SDCCAG8: variants seen among roughly 807,000 people sequenced by gnomAD.
The protein encoded by SDCCAG8 is serologically defined colon cancer antigen 8.
Under a neutral mutation model 101.8 loss-of-function variants are expected in SDCCAG8, and 74 were observed. The observed-to-expected ratio is 0.73, with a 90% CI of 0.60 to 0.88. The LOEUF is 0.88. SDCCAG8 is among the 40% of genes least tolerant of loss of function. The pLI, the probability that SDCCAG8 is intolerant of heterozygous loss-of-function variation, is 0.00. For synonymous variants in SDCCAG8, 281 were observed against 292.9 expected, an observed-to-expected ratio of 0.96 and a Z score of 0.41; for missense variants, 787 against 822.6, an observed-to-expected ratio of 0.96 and a Z score of 0.53.
At chr1:243,477,290 A>G (rs1406409202) in intron 16 of SDCCAG8, among the ~76,000 whole-genome samples, 3 of 152,158 alleles carry the variant, frequency 2.0e-5, no homozygotes, top group Non-Finnish European at 4.4e-5. Context: ...TACTCTGCAA[A>G]GATTCTGATT....
chr1:243,497,340 G>GT (rs1668209407), intron 17 of SDCCAG8, among the ~76,000 whole-genome samples: 1 of 141,238 alleles, frequency 7.1e-6, no homozygotes, highest in Admixed American at 7.1e-5. Context: ...GCACGGGTGG[G>GT]GGGGGGGGCG....
chr1:243,433,312 A>G (rs1315048745), intron 16 of SDCCAG8, among the ~76,000 whole-genome samples: 1 of 150,068 alleles, frequency 6.7e-6, no homozygotes, highest in Non-Finnish European at 1.5e-5. Flanking sequence ...AGATCGCGCC[A>G]CTGCACTCCA....
chr1:243,337,393 T>C (rs2075082505), intron 10 of SDCCAG8, among the ~76,000 whole-genome samples: 1 of 152,182 alleles, frequency 6.6e-6, no homozygotes, highest in Non-Finnish European at 1.5e-5. Flanking sequence ...GTTGATTTTG[T>C]CCCTAGTAAG....
intron 9 of SDCCAG8, among the ~76,000 whole-genome samples, chr1:243,324,148 T>C (rs1168519329): frequency 6.6e-6 from 1 of 152,170 alleles, no homozygotes; most frequent in African/African-American, 2.4e-5. Context: ...TCTTTTTTTA[T>C]GGATGATACA....
At chr1:243,296,538 T>TTTTTTTTTTTTA in intron 6 of SDCCAG8, among the ~76,000 whole-genome samples, 1 of 116,256 alleles carries the variant, frequency 8.6e-6, no homozygotes, top group African/African-American at 3.2e-5. Context: ...AACTGCTCTT[T>TTTTTTTTTTTTA]TTTTTTTTTT....
At chr1:243,376,484 G>GAAA (rs1471134312) in intron 12 of SDCCAG8, among the ~76,000 whole-genome samples, 3 of 152,114 alleles carry the variant, frequency 2.0e-5, no homozygotes, top group Non-Finnish European at 4.4e-5. Flanking sequence ...ATTACATGAG[G>GAAA]AAAAGAAAGC....
chr1:243,411,336 C>T (rs765333556), intron 13 of SDCCAG8, among the ~76,000 whole-genome samples: 15 of 151,824 alleles, frequency 9.9e-5, no homozygotes, highest in Non-Finnish European at 1.9e-4. Flanking sequence ...AGGCTGGTCT[C>T]GAACTCCTGG....
At chr1:243,485,105 G>A (rs1177213765) in intron 16 of SDCCAG8, among the ~76,000 whole-genome samples, 1 of 151,944 alleles carries the variant, frequency 6.6e-6, no homozygotes, top group African/African-American at 2.4e-5. Flanking sequence ...TGGTTCGTTT[G>A]GTGAATTAAC....
chr1:243,355,661 G>A (rs1434004592), intron 12 of SDCCAG8, among the ~76,000 whole-genome samples: 10 of 148,926 alleles, frequency 6.7e-5, no homozygotes, highest in Non-Finnish European at 1.5e-4. Flanking sequence ...GCTGGAGTGC[G>A]GTGGCACAAT....
At position 243,363,311 on chromosome 1, in the gene SDCCAG8, C is replaced by T. The variant is rs183162493; in HGVS notation, c.1474-15410C>T. 6.3e-3 allele frequency among the ~76,000 whole-genome samples: 965 copies of T among 152,274 alleles called. 8 individuals carry two copies. The highest frequency in any genetic ancestry group is 9.0e-3 in the Non-Finnish European group (615 of 68,030). ...GTCAAATAAAAAAATTATTTTTATG[C>T]CTACTGTGTGTAAGTAGCTTGCCTA... On this transcript the variant is annotated intron_variant, in intron 12 of 17. Transcript: ENST00000366541.
intron 2 of SDCCAG8, 139 bp downstream of exon 2, chr1:243,270,396 G>A (rs954791273): frequency 3.3e-5 from 32 of 960,566 alleles, no homozygotes; most frequent in Non-Finnish European, 4.8e-5. Flanking sequence ...TAATTCCCTC[G>A]CTTAATCTTG....
rs1011792493 is a variant in SDCCAG8, at chr1:243,293,509, G to T, written c.675+290G>T. ...TTCAACTTTCGGTCTGTATAAATTT[G>T]CCTATTTCAGATACTTGACATAAGT... On this transcript the variant is annotated intron_variant, in intron 6 of 17. Coordinates refer to ENST00000366541, the MANE Select transcript of SDCCAG8 (RefSeq NM_006642.5). 3.1e-5 allele frequency: 17 copies of T among 543,086 alleles called. No individual in the cohort carries two copies. The Admixed American group carries it at 3.6e-4, about 11-fold the overall frequency. 33.6% of individuals were successfully genotyped at this position (543,086 alleles called of 1,614,324 possible). A position where few individuals can be genotyped will look rare whatever the true frequency, so the allele number is the denominator to read the frequency against.
At chr1:243,309,162 C>T (rs1012363427) in intron 8 of SDCCAG8, among the ~76,000 whole-genome samples, 1 of 152,176 alleles carries the variant, frequency 6.6e-6, no homozygotes, top group Admixed American at 6.5e-5. Flanking sequence ...TGGGATTTTA[C>T]TAAGGCAGGT....
chr1:243,386,214 G>C (rs1301590228), intron 13 of SDCCAG8, among the ~76,000 whole-genome samples: 2 of 152,296 alleles, frequency 1.3e-5, no homozygotes, highest in Non-Finnish European at 2.9e-5. Flanking sequence ...GAGAAGGAAA[G>C]GAGTCTTCTA....
At chr1:243,356,687 G>A (rs192289444) in intron 12 of SDCCAG8, among the ~76,000 whole-genome samples, 8 of 152,164 alleles carry the variant, frequency 5.3e-5, no homozygotes, top group Middle Eastern at 3.4e-3. Flanking sequence ...ACTGCTGATT[G>A]TCGAAAATAA....
At chr1:243,262,939 A>T (rs780438113) in intron 1 of SDCCAG8, among the ~76,000 whole-genome samples, 1 of 152,252 alleles carries the variant, frequency 6.6e-6, no homozygotes, top group Non-Finnish European at 1.5e-5. Context: ...CTGAAACAAA[A>T]TAAAGCTAAA....
intron 17 of SDCCAG8, among the ~76,000 whole-genome samples, chr1:243,491,182 C>A (rs1236493506): frequency 6.6e-6 from 1 of 152,258 alleles, no homozygotes; most frequent in Non-Finnish European, 1.5e-5. Context: ...TAGATCTTAA[C>A]ATGGATCACC....
intron 13 of SDCCAG8, among the ~76,000 whole-genome samples, chr1:243,392,462 TTGTTACAG>T (rs1252400990): frequency 6.6e-6 from 1 of 152,236 alleles, no homozygotes; most frequent in Non-Finnish European, 1.5e-5. Context: ...AAGTTCTGCT[TTGTTACAG>T]TGATGGCAGT....
At chr1:243,432,985 G>A (rs12140432) in intron 16 of SDCCAG8, among the ~76,000 whole-genome samples, 20,701 of 152,062 alleles carry the variant, frequency 0.14, 1,480 homozygotes, top group Non-Finnish European at 0.14. Flanking sequence ...AAAGTGCGGC[G>A]TATAAGGTTC....
Sources: allele counts gnomAD v4.1 joint callset (sites outside exome capture counted in the v4.1 genomes callset), GRCh38; gene constraint gnomAD v4.1.1; transcripts MANE v1.5; gene names NCBI Gene and HGNC (gene_info 2026-07-23, HGNC 2026-07-21).